Variants in PDK1 observed in about 807,000 individuals in gnomAD.
PDK1 encodes [Pyruvate dehydrogenase (acetyl-transferring)] kinase isozyme 1, mitochondrial.
A neutral mutation model predicts 54.2 loss-of-function variants in PDK1; 39 were observed. The observed-to-expected ratio is 0.72, with a 90% CI of 0.56 to 0.94. PDK1 has a LOEUF of 0.94. Ranked by LOEUF, PDK1 falls within the 40% of genes least tolerant of loss-of-function variation. PDK1 has a pLI of 0.00. For missense variants in PDK1, 552 were observed against 566.0 expected, an observed-to-expected ratio of 0.98 and a Z score of 0.25; for synonymous variants, 221 against 207.1, an observed-to-expected ratio of 1.07 and a Z score of -0.58.
intron 9 of PDK1, among the ~76,000 whole-genome samples, chr2:172,589,492 G>A (rs536755341): frequency 1.4e-4 from 22 of 152,304 alleles, no homozygotes; most frequent in African/African-American, 5.3e-4. Flanking sequence ...GAAGGAACCA[G>A]GGGAGTAAAT....
At chr2:172,611,595 A>G (rs1318974952), downstream of PDK1, among the ~76,000 whole-genome samples, 3 of 152,246 alleles carry the variant, frequency 2.0e-5, no homozygotes, top group African/African-American at 7.2e-5. Context: ...AACCAAACAC[A>G]ATACAAAAAA....
At chr2:172,632,971 A>T in the PDK1 span, among the ~76,000 whole-genome samples, 40 of 147,892 alleles carry the variant, frequency 2.7e-4, 1 homozygote, top group East Asian at 8.2e-3. Flanking sequence ...ACAGAATGAG[A>T]TTCTGTCTCA....
Position 172,606,464 on chromosome 2 carries a change from C to T in PDK1, c.*10495C>T, listed in dbSNP as rs1691297843. Reference sequence around the variant, plus strand: ...TTACTTCCTCAAGTCTCTTTTGCTGCTAGGAGGCAGACAGTAACTTCGGTA... The same window carrying T: ...TTACTTCCTCAAGTCTCTTTTGCTGTTAGGAGGCAGACAGTAACTTCGGTA... On this transcript the variant is annotated 3_prime_UTR_variant, in exon 11 of 11. Transcript: ENST00000282077. The T allele has an allele frequency of 6.6e-6, 1 of 152,200 alleles. No individual in the cohort carries two copies. Among genetic ancestry groups the T allele is most frequent in the African/African-American group, 2.4e-5 (1 of 41,458 alleles). 9.4% of individuals were successfully genotyped at this position (152,200 alleles called of 1,614,324 possible).
At chr2:172,641,819 G>A in the PDK1 span, among the ~76,000 whole-genome samples, 1 of 152,106 alleles carries the variant, frequency 6.6e-6, no homozygotes, top group Non-Finnish European at 1.5e-5. Flanking sequence ...TAGGTTTTAT[G>A]GCTGGCTTTT....
chr2:172,560,002 C>T (rs902823639), intron 2 of PDK1, among the ~76,000 whole-genome samples: 24 of 152,082 alleles, frequency 1.6e-4, no homozygotes, highest in Non-Finnish European at 2.9e-4. Flanking sequence ...GCATGCCACA[C>T]CCAGCTAATT....
chr2:172,714,967 A>G, the PDK1 span, among the ~76,000 whole-genome samples: 11 of 152,232 alleles, frequency 7.2e-5, no homozygotes, highest in Admixed American at 2.6e-4. Flanking sequence ...TAGATTTTCT[A>G]TATCTAATTA....
At chr2:172,699,646 C>G in the PDK1 span, among the ~76,000 whole-genome samples, 1 of 152,052 alleles carries the variant, frequency 6.6e-6, no homozygotes, top group South Asian at 2.1e-4. Context: ...TAGCATAGCA[C>G]TTGGCACAGA....
chr2:172,664,511 T>A, the PDK1 span, among the ~76,000 whole-genome samples: 3 of 152,096 alleles, frequency 2.0e-5, no homozygotes, highest in Non-Finnish European at 4.4e-5. Flanking sequence ...ATGATCCTTC[T>A]GGGTAAATTT....
chr2:172,683,706 T>A, the PDK1 span, among the ~76,000 whole-genome samples: 1 of 152,166 alleles, frequency 6.6e-6, no homozygotes, highest in Non-Finnish European at 1.5e-5. Flanking sequence ...TGGGGATGAG[T>A]AAAGTTACAA....
At chr2:172,623,631 C>A in the PDK1 span, among the ~76,000 whole-genome samples, 1 of 152,098 alleles carries the variant, frequency 6.6e-6, no homozygotes, top group South Asian at 2.1e-4. Context: ...GATTGTTTTT[C>A]CCTTGTGATT....
At chr2:172,585,316 A>ATTTTTTT (rs538241255) in intron 8 of PDK1, among the ~76,000 whole-genome samples, 22 of 103,298 alleles carry the variant, frequency 2.1e-4, no homozygotes, top group African/African-American at 7.1e-4. Context: ...TGCATTTTTA[A>ATTTTTTT]TTTTTTTTTT....
At chr2:172,703,326 GACTGTGAGA>G in the PDK1 span, among the ~76,000 whole-genome samples, 1 of 152,146 alleles carries the variant, frequency 6.6e-6, no homozygotes, top group African/African-American at 2.4e-5. Flanking sequence ...TGGCCCCCAG[GACTGTGAGA>G]TAATATATTT....
chr2:172,645,819 G>C, the PDK1 span, among the ~76,000 whole-genome samples: 8 of 152,178 alleles, frequency 5.3e-5, no homozygotes, highest in Non-Finnish European at 8.8e-5. Context: ...GTACCTGGCA[G>C]AAAGGATGTT....
At chr2:172,673,216 G>A in the PDK1 span, among the ~76,000 whole-genome samples, 1 of 152,166 alleles carries the variant, frequency 6.6e-6, no homozygotes, top group African/African-American at 2.4e-5. Flanking sequence ...TTCCCTTGGG[G>A]TGTGTTGTCC....
chr2:172,648,078 T>C, the PDK1 span, among the ~76,000 whole-genome samples: 8 of 152,218 alleles, frequency 5.3e-5, no homozygotes, highest in Non-Finnish European at 8.8e-5. Context: ...CTGTCATGGA[T>C]TGAAGAAGAC....
chr2:172,584,577 G>T (rs1690103062), intron 8 of PDK1, among the ~76,000 whole-genome samples: 1 of 148,232 alleles, frequency 6.7e-6, no homozygotes, highest in South Asian at 2.1e-4. Flanking sequence ...TATATACTTT[G>T]CATGCTTTTC....
the PDK1 span, among the ~76,000 whole-genome samples, chr2:172,686,721 G>A: frequency 1.3e-5 from 2 of 152,330 alleles, no homozygotes; most frequent in East Asian, 3.9e-4. Flanking sequence ...TTTAAGAGCT[G>A]TAACATTCAC....
At chr2:172,630,796 AT>A in the PDK1 span, among the ~76,000 whole-genome samples, 1 of 152,048 alleles carries the variant, frequency 6.6e-6, no homozygotes, top group East Asian at 1.9e-4. Flanking sequence ...TATCTGGCTA[AT>A]TTTTTATTTT....
At chr2:172,662,519 T>TGTGTGTGTGTGTGTGTGTG in the PDK1 span, among the ~76,000 whole-genome samples, 1 of 151,560 alleles carries the variant, frequency 6.6e-6, no homozygotes, top group South Asian at 2.1e-4. Context: ...TGTGTGTGTG[T>TGTGTGTGTGTGTGTGTGTG]AAAAGAGCAT....
Sources: allele counts gnomAD v4.1 joint callset (sites outside exome capture counted in the v4.1 genomes callset), GRCh38; gene constraint gnomAD v4.1.1; transcripts MANE v1.5; gene names NCBI Gene and HGNC (gene_info 2026-07-23, HGNC 2026-07-21).